LHX1: variants seen among roughly 807,000 people sequenced by gnomAD.
LHX1 encodes the protein LIM/homeobox protein Lhx1.
LHX1 carries 9 observed loss-of-function variants against 34.1 expected under a neutral mutation model. That is an observed-to-expected ratio of 0.26 (90% confidence interval 0.16 to 0.46). The LOEUF (loss-of-function observed/expected upper bound fraction) is 0.46. Ranked by LOEUF, LHX1 falls within the 20% of genes least tolerant of loss-of-function variation. The pLI, the probability that LHX1 is intolerant of heterozygous loss-of-function variation, is 1.00. For missense variants in LHX1, 446 were observed against 559.1 expected (o/e 0.80, Z 2.04); for synonymous variants, 254 against 241.5 (o/e 1.05, Z -0.48).
At chr17:36,941,523 G>A (rs923187573) in intron 3 of LHX1, 1 of 272,290 alleles carries the variant, frequency 3.7e-6, no homozygotes, top group Non-Finnish European at 7.2e-6. Flanking sequence ...TCAGTGCTAG[G>A]TGTCCGGTTC....
chr17:36,943,218 C>T lies in LHX1; in HGVS notation c.*87C>T. The T allele has an allele frequency of 7.2e-7, 1 of 1,386,530 alleles. No individual in the cohort carries two copies. Among genetic ancestry groups the T allele is most frequent in the Non-Finnish European group, 9.8e-7 (1 of 1,025,184 alleles). The allele number at this position is 1,386,530 out of a possible 1,614,324, so 85.9% of individuals were successfully genotyped here. A position where few individuals can be genotyped will look rare whatever the true frequency, so the allele number is the denominator to read the frequency against. ...AATAGAAAAAAAAAAACATAAAAAG[C>T]AAGTCCCCACCCCCTTCCTCCAGCC... On this transcript the variant is annotated 3_prime_UTR_variant, in exon 5 of 5. Transcript: ENST00000614239.
At chr17:36,941,070 A>G (rs1453363852) in intron 3 of LHX1, 183 bp downstream of exon 3, 1 of 952,666 alleles carries the variant, frequency 1.0e-6, no homozygotes, top group East Asian at 2.6e-5. Flanking sequence ...AGCATCTAGA[A>G]AGTCCTCTTC....
Position 36,943,806 on chromosome 17 carries a change from T to TACACATAC in LHX1, c.*688_*695dup, listed in dbSNP as rs1450617706. ...ATCAACTCTTCTACCTTCGCAAAAC[T>TACACATAC]ACACATACACACATACACACGTACA... On this transcript the variant is annotated 3_prime_UTR_variant, in exon 5 of 5. Coordinates refer to ENST00000614239, the MANE Select transcript of LHX1 (RefSeq NM_005568.5). 2 of 152,018 alleles carry TACACATAC rather than the reference T, an allele frequency of 1.3e-5. No individual in the cohort carries two copies. Among genetic ancestry groups the TACACATAC allele is most frequent in the East Asian group, 3.9e-4 (2 of 5,172 alleles). 9.4% of individuals were successfully genotyped at this position (152,018 alleles called of 1,614,324 possible).
At chr17:36,938,543 G>A (rs534910881) in intron 1 of LHX1, 176 bp downstream of exon 1, 2 of 704,856 alleles carry the variant, frequency 2.8e-6, no homozygotes, top group South Asian at 1.5e-5. Flanking sequence ...AGCCCGGGAC[G>A]CGGCCCTGCT....
chr17:36,942,819 G>T lies in LHX1; in HGVS notation c.909G>T (p.Ser303=), dbSNP rs144896333. The T allele has an allele frequency of 1.3e-6, 2 of 1,560,546 alleles. No individual in the cohort carries two copies. The highest frequency in any genetic ancestry group is 1.7e-6 in the Non-Finnish European group (2 of 1,149,438). Residue 303 remains serine, a synonymous_variant, in exon 5 of 5, where the codon TCG becomes TCT. Coordinates refer to ENST00000614239, the MANE Select transcript of LHX1 (RefSeq NM_005568.5). ...TCTTCCCGCAAGGCCCCCCGTCCTC[G>T]CAGGCCCAGACACCAGTGGACCTAC... ...YDFFPQGPPS[S]QAQTPVDLPF...
In LHX1 at chr17:36,942,815, C is replaced by G; in HGVS notation, c.905C>G (p.Ser302Cys). The G allele has an allele frequency of 6.4e-7, 1 of 1,557,324 alleles. No homozygotes were observed. Among genetic ancestry groups the G allele is most frequent in the South Asian group, 1.2e-5 (1 of 85,016 alleles). Reference protein sequence around the residue: ...NYDFFPQGPPSSQAQTPVDLP... With the variant: ...NYDFFPQGPPCSQAQTPVDLP... ...GACTTCTTCCCGCAAGGCCCCCCGT[C>G]CTCGCAGGCCCAGACACCAGTGGAC... The change falls in exon 5 of 5, where the codon TCC (serine) becomes TGC (cysteine). Residue 302 changes from serine (S) to cysteine (C), a missense_variant. This residue lies in a region of LHX1 where 235 missense variants were observed against 224.4 expected (regional missense o/e 1.05). Coordinates refer to ENST00000614239, the MANE Select transcript of LHX1 (RefSeq NM_005568.5).
rs2070757882 is a variant in LHX1 at position 36,940,527 on chromosome 17, A to G, written c.397+11A>G. ...ACAGCCTTCACTCGGGTGAGGCCCC[A>G]ATTCCTGGCTGGCTAGGTGCAAGCG... On this transcript the variant is annotated intron_variant, in intron 2 of 4. Transcript: ENST00000614239. 6.2e-7 allele frequency: 1 copy of G among 1,613,734 alleles called. No homozygotes were observed. The highest frequency in any genetic ancestry group is 8.5e-7 in the Non-Finnish European group (1 of 1,179,978).
chr17:36,941,630 C>T (rs1047472424), intron 3 of LHX1: 7 of 211,142 alleles, frequency 3.3e-5, no homozygotes, highest in African/African-American at 1.6e-4. Context: ...GGCCCTGAGG[C>T]CTACAGGAGA....
At position 36,942,846 on chromosome 17, in the gene LHX1, C is replaced by T; in HGVS notation, c.936C>T (p.Pro312=). 6.3e-7 allele frequency: 1 copy of T among 1,590,164 alleles called. No individual in the cohort carries two copies. The highest frequency in any genetic ancestry group is 8.6e-7 in the Non-Finnish European group (1 of 1,165,894). ...SSQAQTPVDL[P]FVPSSGPSGT... is the part of the protein sequence containing the mutation. Reference sequence around the variant, plus strand: ...AGGCCCAGACACCAGTGGACCTACCCTTCGTGCCGTCATCTGGGCCGTCCG... The same window carrying T: ...AGGCCCAGACACCAGTGGACCTACCTTTCGTGCCGTCATCTGGGCCGTCCG... Residue 312 remains proline (P), a synonymous_variant, in exon 5 of 5, where the codon CCC becomes CCT. Transcript: ENST00000614239.
chr17:36,938,103 C>A lies in LHX1; in HGVS notation c.-95C>A. The A allele has an allele frequency of 8.1e-7, 1 of 1,237,262 alleles. No individual in the cohort carries two copies. The highest frequency in any genetic ancestry group is 1.2e-6 in the Non-Finnish European group (1 of 846,188). The allele number at this position is 1,237,262 out of a possible 1,614,324, so 76.6% of individuals were successfully genotyped here. Reference sequence around the variant, plus strand: ...AGTGTGTGTCCTCTTTTTGGAGAGACTGGGGAGCTCGTGCCGATTGTCTTC... The same window carrying A: ...AGTGTGTGTCCTCTTTTTGGAGAGAATGGGGAGCTCGTGCCGATTGTCTTC... On this transcript the variant is annotated 5_prime_UTR_variant, in exon 1 of 5. In the 5' UTR this introduces an upstream ATG that the reference lacks. Coordinates refer to ENST00000614239, the MANE Select transcript of LHX1 (RefSeq NM_005568.5).
chr17:36,938,472 C>T (rs2070743905), intron 1 of LHX1, 105 bp downstream of exon 1: 16 of 1,226,030 alleles, frequency 1.3e-5, no homozygotes, highest in Non-Finnish European at 1.9e-5. Context: ...TTAGGAACTG[C>T]TTCTAGAGAG....
chr17:36,937,498 C>G lies in LHX1; in HGVS notation c.-700C>G, dbSNP rs989693171. 1.3e-4 allele frequency: 43 copies of G among 320,614 alleles called. No homozygotes were observed. The highest frequency in any genetic ancestry group is 1.1e-3 in the Middle Eastern group (1 of 870). 19.9% of individuals were successfully genotyped at this position (320,614 alleles called of 1,614,324 possible). ...CACCAAGATCTTCCTCCTACCCTCC[C>G]CTCTTTCCCTTCTCCCGCGGTCGGC... On this transcript the variant is annotated 5_prime_UTR_variant, in exon 1 of 5. Transcript: ENST00000614239.
Position 36,943,098 on chromosome 17 carries a change from C to G in LHX1, c.1188C>G (p.His396Gln). 3 of 1,610,872 alleles carry G rather than the reference C, an allele frequency of 1.9e-6. No individual in the cohort carries two copies. The highest frequency in any genetic ancestry group is 1.7e-6 in the Non-Finnish European group (2 of 1,178,966). ...GGASYGNHLS[H>Q]PPEMNEAAVW is the part of the protein sequence containing the mutation. The stretch of plus-strand genomic sequence containing the variant: ...CGAGCTACGGAAACCACCTGTCCCA[C>G]CCCCCCGAAATGAACGAGGCGGCCG... Residue 396 changes from histidine (H) to glutamine (Q), a missense_variant, in exon 5 of 5, where the codon CAC becomes CAG. Coordinates refer to ENST00000614239, the MANE Select transcript of LHX1 (RefSeq NM_005568.5).
chr17:36,937,719 T>G lies in LHX1; in HGVS notation c.-479T>G, dbSNP rs1263560025. On this transcript the variant is annotated 5_prime_UTR_variant, in exon 1 of 5. An upstream start codon of the reference 5' UTR is lost. Coordinates refer to ENST00000614239, the MANE Select transcript of LHX1 (RefSeq NM_005568.5). ...GCCCTCATACCCCGACAAAAGCAGA[T>G]GCACTTTGACTTCTGACAGCTCTAC... The G allele has an allele frequency of 1.1e-5, 5 of 442,384 alleles. No individual in the cohort carries two copies. 27.4% of individuals were successfully genotyped at this position (442,384 alleles called of 1,614,324 possible).
intron 1 of LHX1, among the ~76,000 whole-genome samples, chr17:36,939,080 C>T (rs1455001546): frequency 2.0e-5 from 3 of 152,186 alleles, no homozygotes; most frequent in Admixed American, 2.0e-4. Context: ...AGTAGTCCTC[C>T]TAGGAAACTG....
intron 3 of LHX1, chr17:36,941,336 G>T (rs924470511): frequency 5.5e-6 from 2 of 361,428 alleles, no homozygotes; most frequent in Non-Finnish European, 1.1e-5. Flanking sequence ...GCTCCAATTA[G>T]ACAAGCCCCA....
chr17:36,940,957 A>G (rs2070761403), intron 3 of LHX1, 70 bp downstream of exon 3: 3 of 1,536,276 alleles, frequency 2.0e-6, no homozygotes, highest in Admixed American at 2.0e-5. Flanking sequence ...AGGCCGAGCC[A>G]GGAGAGCCCA....
In LHX1 at chr17:36,938,188, A is replaced by G. The variant is rs2142178549; in HGVS notation, c.-10A>G. ...CTCTCTCTGGGCCTCATCAGACCAA[A>G]CCAAAGACCATGGTTCACTGTGCCG... On this transcript the variant is annotated 5_prime_UTR_variant, in exon 1 of 5. Transcript: ENST00000614239. 1 of 1,613,166 alleles carries G rather than the reference A, an allele frequency of 6.2e-7. No individual in the cohort carries two copies. Among genetic ancestry groups the G allele is most frequent in the Non-Finnish European group, 8.5e-7 (1 of 1,179,982 alleles).
Position 36,937,889 on chromosome 17 carries a change from A to T in LHX1, c.-309A>T. ...TCACTCCTCCGCGGGCTCTGAGCAG[A>T]AGGGTCGCATTCTCTCCCGCCTGAG... is the stretch of plus-strand genomic sequence containing the variant. On this transcript the variant is annotated 5_prime_UTR_variant, in exon 1 of 5. Coordinates refer to ENST00000614239, the MANE Select transcript of LHX1 (RefSeq NM_005568.5). 1.7e-6 allele frequency: 1 copy of T among 599,956 alleles called. No homozygotes were observed. The highest frequency in any genetic ancestry group is 3.1e-6 in the Non-Finnish European group (1 of 322,516). 37.2% of individuals were successfully genotyped at this position (599,956 alleles called of 1,614,324 possible). A position where few individuals can be genotyped will look rare whatever the true frequency, so the allele number is the denominator to read the frequency against.
Sources: allele counts gnomAD v4.1 joint callset (sites outside exome capture counted in the v4.1 genomes callset), GRCh38; gene constraint gnomAD v4.1.1; regional missense constraint gnomAD v4.1.1; transcripts MANE v1.5; gene names NCBI Gene and HGNC (gene_info 2026-07-23, HGNC 2026-07-21).